NCK1: variants seen among roughly 807,000 people sequenced by gnomAD.
NCK1 encodes NCK adaptor protein 1, also known as SH2/SH3 adapter protein NCK1.
A neutral mutation model predicts 36.6 loss-of-function variants in NCK1; 19 were observed. That is an observed-to-expected ratio of 0.52 (90% CI 0.36 to 0.76). The LOEUF is 0.76. Among genes scored for constraint, NCK1 ranks in the 30% least tolerant of loss-of-function variants. The probability of loss-of-function intolerance (pLI) is 0.00; values close to 1 mark genes in which losing one functional copy is unlikely to be tolerated. For missense variants in NCK1, 358 were observed against 445.6 expected, an observed-to-expected ratio of 0.80 and a Z score of 1.77; for synonymous variants, 165 against 156.0, an observed-to-expected ratio of 1.06 and a Z score of -0.43.
rs548128362 is a variant in NCK1, at chr3:136,870,868, G to A, written c.-19+8515G>A. 3.9e-5 allele frequency among the ~76,000 whole-genome samples: 6 copies of A among 152,172 alleles called. No homozygotes were observed. In the East Asian group the frequency reaches 1.2e-3, roughly 29 times the overall value. On this transcript the variant is annotated intron_variant, in intron 1 of 3. Transcript: ENST00000481752. The stretch of plus-strand genomic sequence containing the variant: ...GCAGATGGCTCCTTTAGGTTAATCA[G>A]CATTAAGTTTGGCTACTAGTATCAG...
intron 1 of NCK1, among the ~76,000 whole-genome samples, chr3:136,892,880 GT>G (rs1290244801): frequency 3.3e-5 from 5 of 152,008 alleles, no homozygotes; most frequent in African/African-American, 1.2e-4. Context: ...AAGTTCTTTA[GT>G]GGTGATTTCT....
intron 1 of NCK1, among the ~76,000 whole-genome samples, chr3:136,881,399 T>C (rs1159639034): frequency 1.3e-5 from 2 of 152,086 alleles, no homozygotes; most frequent in Non-Finnish European, 2.9e-5. Flanking sequence ...TTTGTATTTT[T>C]AGTGGAGACG....
At chr3:136,940,097 A>G (rs1323786175) in intron 2 of NCK1, among the ~76,000 whole-genome samples, 2 of 152,106 alleles carry the variant, frequency 1.3e-5, no homozygotes, top group Non-Finnish European at 2.9e-5. Flanking sequence ...TCCTGGGCTC[A>G]AGTGATCCCC....
chr3:136,892,955 C>T (rs1322172733), intron 1 of NCK1, among the ~76,000 whole-genome samples: 1 of 151,718 alleles, frequency 6.6e-6, no homozygotes, highest in African/African-American at 2.4e-5. Flanking sequence ...TCTTTTATCC[C>T]TCACGCCACC....
chr3:136,887,479 G>A (rs1243028896), intron 1 of NCK1, among the ~76,000 whole-genome samples: 2 of 152,162 alleles, frequency 1.3e-5, no homozygotes, highest in Non-Finnish European at 2.9e-5. Flanking sequence ...AAATGAAGGC[G>A]AGAAGGAGAA....
At chr3:136,873,181 G>A (rs1007928817) in intron 1 of NCK1, among the ~76,000 whole-genome samples, 5 of 152,170 alleles carry the variant, frequency 3.3e-5, no homozygotes, top group Non-Finnish European at 7.4e-5. Context: ...CAGGAGAGAG[G>A]CTGTACTCTG....
chr3:136,867,795 C>G (rs1270495322), intron 1 of NCK1, among the ~76,000 whole-genome samples: 1 of 152,162 alleles, frequency 6.6e-6, no homozygotes, highest in African/African-American at 2.4e-5. Context: ...GTTTATGAAA[C>G]CATACTACTT....
rs534224175 is a variant in NCK1 at position 136,870,824 on chromosome 3, G to C, written c.-19+8471G>C. Among the ~76,000 whole-genome samples, 11 of 152,036 alleles carry C rather than the reference G, an allele frequency of 7.2e-5. No individual in the cohort carries two copies. In the South Asian group the frequency reaches 2.1e-3, roughly 29 times the overall value. On this transcript the variant is annotated intron_variant, in intron 1 of 3. Transcript: ENST00000481752. ...AGCCCTTTTTTGCTTTGGTGTCTGT[G>C]ATCATGCTCTTCCTCAGGGCAGATG...
In NCK1 at chr3:136,893,147, A is replaced by T. The variant is rs796953904; in HGVS notation, c.-19+30794A>T. ...TTTTTATGGCTAAGTAATATTCCAT[A>T]GTGTGTGTGTGTGTGTGTGTGTGTG... is the stretch of plus-strand genomic sequence containing the variant. On this transcript the variant is annotated intron_variant, in intron 1 of 3. Transcript: ENST00000481752. Among the ~76,000 whole-genome samples, 121 of 41,956 alleles carry T rather than the reference A, an allele frequency of 2.9e-3. 1 individual carries two copies. The highest frequency in any genetic ancestry group is 6.7e-3 in the South Asian group (5 of 744). The allele number at this position is 41,956 out of a possible 152,430, so 27.5% of individuals were successfully genotyped here.
At chr3:136,890,063 TG>T (rs1431341014) in intron 1 of NCK1, among the ~76,000 whole-genome samples, 3 of 151,972 alleles carry the variant, frequency 2.0e-5, no homozygotes, top group Non-Finnish European at 4.4e-5. Flanking sequence ...TGGTCCTTGT[TG>T]GGGAGGCTCG....
intron 1 of NCK1, among the ~76,000 whole-genome samples, chr3:136,876,401 C>T (rs969889810): frequency 2.4e-4 from 37 of 151,996 alleles, no homozygotes; most frequent in East Asian, 3.9e-4. Flanking sequence ...ATTGATAGAC[C>T]GCTAGCAAGA....
intron 1 of NCK1, among the ~76,000 whole-genome samples, chr3:136,921,196 C>T (rs1376683701): frequency 6.6e-6 from 1 of 152,164 alleles, no homozygotes; most frequent in African/African-American, 2.4e-5. Context: ...ACTCTGTACC[C>T]ATTAAACAGT....
At position 136,950,704 on chromosome 3, in the gene NCK1, C is replaced by G. The variant is rs539530103; in HGVS notation, c.*2251C>G. 2.6e-5 allele frequency among the ~76,000 whole-genome samples: 4 copies of G among 152,074 alleles called. No individual in the cohort carries two copies. The highest frequency in any genetic ancestry group is 2.6e-4 in the Admixed American group (4 of 15,254). On this transcript the variant is annotated 3_prime_UTR_variant, in exon 4 of 4. Coordinates refer to ENST00000481752, the MANE Select transcript of NCK1 (RefSeq NM_001291999.2). ...CTTATTCCCAGCCTGGTGTCTGTAT[C>G]GTGACACACTACTCTGTGTATGCTT...
chr3:136,872,427 T>C (rs1243069953), intron 1 of NCK1, among the ~76,000 whole-genome samples: 2 of 152,196 alleles, frequency 1.3e-5, no homozygotes, highest in Non-Finnish European at 2.9e-5. Flanking sequence ...AAGAAGTGAC[T>C]TGGGTGCTGT....
At chr3:136,948,117 A>G (rs563207006) in intron 3 of NCK1, 142 bp from the exon 4 acceptor site, 1 of 576,000 alleles carries the variant, frequency 1.7e-6, no homozygotes, top group East Asian at 3.1e-5. Flanking sequence ...TTTGAAGAGT[A>G]AAGGAGATAA....
At chr3:136,892,798 T>G (rs1035374978) in intron 1 of NCK1, among the ~76,000 whole-genome samples, 10 of 152,180 alleles carry the variant, frequency 6.6e-5, no homozygotes, top group African/African-American at 1.4e-4. Flanking sequence ...GCATGAAGAT[T>G]ATACATGAGA....
In NCK1 at chr3:136,945,654, C is replaced by A; in HGVS notation, c.298C>A (p.Pro100Thr). ...ASPADDSFVD[P>T]GERLYDLNMP... Reference sequence around the variant, plus strand: ...TCCTGCTGATGATAGTTTTGTTGACCCAGGGGAACGTCTCTATGACCTCAA... The same window carrying A: ...TCCTGCTGATGATAGTTTTGTTGACACAGGGGAACGTCTCTATGACCTCAA... Residue 100 changes from proline (P) to threonine (T), a missense_variant, in exon 3 of 4, where the codon CCA becomes ACA. Physicochemically the swap from Pro to Thr is conservative, Grantham distance 38. Transcript: ENST00000481752. The A allele has an allele frequency of 6.2e-7, 1 of 1,613,828 alleles. No individual in the cohort carries two copies. The highest frequency in any genetic ancestry group is 8.5e-7 in the Non-Finnish European group (1 of 1,179,928).
chr3:136,890,006 C>G (rs1939192314), intron 1 of NCK1, among the ~76,000 whole-genome samples: 1 of 152,218 alleles, frequency 6.6e-6, no homozygotes, highest in Non-Finnish European at 1.5e-5. Flanking sequence ...GCCCGCACTC[C>G]TGAGCCCTTG....
chr3:136,899,713 A>G, intron 1 of NCK1: 1 of 818,570 alleles, frequency 1.2e-6, no homozygotes, highest in Non-Finnish European at 2.2e-6. Context: ...ATACGAGGAG[A>G]CTTACTCACT....
Sources: gnomAD v4.1 joint callset for allele counts (sites outside exome capture counted in the v4.1 genomes callset) on GRCh38, gnomAD v4.1.1 for gene constraint, MANE v1.5 for transcripts, NCBI Gene and HGNC (gene_info 2026-07-23, HGNC 2026-07-21) for gene names.